The following DSCAML1 variants were observed in gnomAD, a reference collection of about 807,000 sequenced individuals.
DSCAML1 encodes the protein cell adhesion molecule DSCAML1.
Under a neutral mutation model 200.5 loss-of-function variants are expected in DSCAML1, and 38 were observed. The ratio of observed to expected loss-of-function variants is 0.19; its 90% CI spans 0.15 to 0.25. The LOEUF is 0.25. DSCAML1 is among the 10% of genes least tolerant of loss of function. The pLI is 1.00. For missense variants in DSCAML1, 2,223 were observed against 2,858.8 expected, an observed-to-expected ratio of 0.78 and a Z score of 5.07; for synonymous variants, 1,215 against 1,165.0, an observed-to-expected ratio of 1.04 and a Z score of -0.87.
chr11:117,556,922 T>C (rs551954407), intron 3 of DSCAML1, among the ~76,000 whole-genome samples: 1 of 152,238 alleles, frequency 6.6e-6, no homozygotes, highest in South Asian at 2.1e-4. Context: ...ATTGGTCTGG[T>C]GGGGTGGAGG....
At chr11:117,745,545 A>G (rs1351187889) in intron 3 of DSCAML1, among the ~76,000 whole-genome samples, 1 of 152,084 alleles carries the variant, frequency 6.6e-6, no homozygotes, top group Non-Finnish European at 1.5e-5. Flanking sequence ...ACCGACCTAC[A>G]GCATGCCCTG....
intron 3 of DSCAML1, chr11:117,612,046 GTGT>G (rs1446470874): frequency 3.9e-5 from 6 of 152,384 alleles, no homozygotes; most frequent in African/African-American, 1.2e-4. Flanking sequence ...AGGGTGTGAC[GTGT>G]TGGAGAGCAG....
At chr11:117,683,231 A>C (rs2053341887) in intron 3 of DSCAML1, among the ~76,000 whole-genome samples, 1 of 152,230 alleles carries the variant, frequency 6.6e-6, no homozygotes, top group Non-Finnish European at 1.5e-5. Context: ...ATGAGGTCTG[A>C]AAAGAGGGAG....
chr11:117,555,375 C>T (rs1001993015), intron 3 of DSCAML1, among the ~76,000 whole-genome samples: 1 of 152,156 alleles, frequency 6.6e-6, no homozygotes, highest in African/African-American at 2.4e-5. Context: ...TCCAGGGGCT[C>T]AGGATCTGCG....
At position 117,437,559 on chromosome 11, in the gene DSCAML1, C is replaced by T. The variant is rs2047945731; in HGVS notation, c.4433-150G>A. 2.0e-6 allele frequency: 2 copies of T among 1,012,432 alleles called. No individual in the cohort carries two copies. Among genetic ancestry groups the T allele is most frequent in the African/African-American group, 1.6e-5 (1 of 61,858 alleles). 62.7% of individuals were successfully genotyped at this position (1,012,432 alleles called of 1,614,324 possible). A position where few individuals can be genotyped will look rare whatever the true frequency, so the allele number is the denominator to read the frequency against. On this transcript the variant is annotated intron_variant, in intron 25 of 32. Transcript: ENST00000651296. This position sits in a 1 kb window ranked among gnomAD's most constrained non-coding sequence, Gnocchi z 5.3. ...TTTGGCACAGATGGGGTGGGGAAGCCCCAGGGCGCAGAGGAGGAAGAGGAG... is the reference window on the plus strand; with the variant it reads ...TTTGGCACAGATGGGGTGGGGAAGCTCCAGGGCGCAGAGGAGGAAGAGGAG...
chr11:117,720,055 C>T (rs753215543), intron 3 of DSCAML1, among the ~76,000 whole-genome samples: 3 of 152,106 alleles, frequency 2.0e-5, no homozygotes, highest in Non-Finnish European at 4.4e-5. Flanking sequence ...ATCAATTAGT[C>T]CCTCCCGGCC....
intron 3 of DSCAML1, among the ~76,000 whole-genome samples, chr11:117,557,502 C>G (rs2050580415): frequency 6.6e-6 from 1 of 152,226 alleles, no homozygotes; most frequent in Non-Finnish European, 1.5e-5. Flanking sequence ...CCCTGCCCGC[C>G]TCACTCGAGC....
chr11:117,708,422 A>T (rs2053789444), intron 3 of DSCAML1, among the ~76,000 whole-genome samples: 1 of 152,230 alleles, frequency 6.6e-6, no homozygotes, highest in Non-Finnish European at 1.5e-5. Flanking sequence ...TGGTCTTCCC[A>T]AACCAATTAA....
intron 3 of DSCAML1, among the ~76,000 whole-genome samples, chr11:117,650,606 G>C (rs1225024830): frequency 6.6e-6 from 1 of 152,048 alleles, no homozygotes; most frequent in Admixed American, 6.6e-5. Context: ...TACCGAGCTG[G>C]TGATCTGAGG....
chr11:117,474,169 G>A (rs1029314552), intron 14 of DSCAML1, among the ~76,000 whole-genome samples: 4 of 152,140 alleles, frequency 2.6e-5, no homozygotes, highest in African/African-American at 9.7e-5. Context: ...ATCCTCCTGC[G>A]ACATCAGTGC....
intron 3 of DSCAML1, among the ~76,000 whole-genome samples, chr11:117,585,469 C>T (rs1407665026): frequency 6.6e-6 from 1 of 152,112 alleles, no homozygotes; most frequent in Non-Finnish European, 1.5e-5. Context: ...GGGTGGTCTC[C>T]CTCTCCTGAC....
In DSCAML1 at chr11:117,489,284, G is replaced by A. The variant is rs1458494043; in HGVS notation, c.2360-7122C>T. ...CTTTAGGGGTGCAGGCGGGAGAGCC[G>A]GGGTGGGGTATATGCACAGGGCTGG... On this transcript the variant is annotated intron_variant, in intron 11 of 32. Coordinates refer to ENST00000651296, the MANE Select transcript of DSCAML1 (RefSeq NM_020693.4). The surrounding 1 kb of genome is among the most constrained non-coding windows in gnomAD (Gnocchi z 4.8). Among the ~76,000 whole-genome samples the A allele has an allele frequency of 2.0e-5, 3 of 152,208 alleles. No homozygotes were observed. The highest frequency in any genetic ancestry group is 4.8e-5 in the African/African-American group (2 of 41,450).
chr11:117,442,421 G>A (rs114930102), intron 21 of DSCAML1, among the ~76,000 whole-genome samples: 22 of 151,692 alleles, frequency 1.5e-4, no homozygotes, highest in Admixed American at 3.3e-4. Context: ...GTGTATGTGC[G>A]TAAATGTATG....
intron 3 of DSCAML1, among the ~76,000 whole-genome samples, chr11:117,636,129 G>A (rs1470885053): frequency 2.6e-5 from 4 of 152,190 alleles, no homozygotes; most frequent in African/African-American, 9.7e-5. Flanking sequence ...TGAGGCGGGG[G>A]TTAGAAATAG....
intron 3 of DSCAML1, among the ~76,000 whole-genome samples, chr11:117,545,713 G>T (rs1591248100): frequency 6.6e-6 from 1 of 152,204 alleles, no homozygotes; most frequent in Non-Finnish European, 1.5e-5. Flanking sequence ...CTGAGGGGAG[G>T]CAGGGAGGAA....
At chr11:117,611,244 T>C (rs1343947431) in intron 3 of DSCAML1, 1 of 152,214 alleles carries the variant, frequency 6.6e-6, no homozygotes, top group Non-Finnish European at 1.5e-5. Flanking sequence ...GTCTCGCTTA[T>C]CCTGCAGATC....
intron 3 of DSCAML1, among the ~76,000 whole-genome samples, chr11:117,766,666 T>G (rs2054902902): frequency 6.6e-6 from 1 of 152,240 alleles, no homozygotes; most frequent in Non-Finnish European, 1.5e-5. Context: ...AGCGTTTGCC[T>G]GCAATTGTCT....
chr11:117,751,391 T>G (rs2054602411), intron 3 of DSCAML1, among the ~76,000 whole-genome samples: 1 of 149,624 alleles, frequency 6.7e-6, no homozygotes, highest in Non-Finnish European at 1.5e-5. Flanking sequence ...CTCACACCTT[T>G]TTTCTTTTTT....
At chr11:117,513,793 C>T (rs1039601822) in intron 8 of DSCAML1, among the ~76,000 whole-genome samples, 2 of 151,474 alleles carry the variant, frequency 1.3e-5, no homozygotes, top group African/African-American at 2.4e-5. Context: ...GTGAGGTTTC[C>T]TAGTAAGTCA....
Sources: allele counts gnomAD v4.1 joint callset (sites outside exome capture counted in the v4.1 genomes callset), GRCh38; gene constraint gnomAD v4.1.1; non-coding constraint Gnocchi (gnomAD v3.1); transcripts MANE v1.5; gene names NCBI Gene and HGNC (gene_info 2026-07-23, HGNC 2026-07-21).